FBXO16: variants seen among roughly 807,000 people sequenced by gnomAD.
The protein encoded by FBXO16 is F-box protein 16, also known as F-box only protein 16.
FBXO16 carries 31 observed loss-of-function variants against 41.0 expected under a neutral mutation model. The ratio of observed to expected loss-of-function variants is 0.76; its 90% confidence interval spans 0.57 to 1.02. The LOEUF (loss-of-function observed/expected upper bound fraction) is 1.02, where lower values mean the gene tolerates loss of function less well. Ranked by LOEUF, FBXO16 falls within the 50% of genes least tolerant of loss-of-function variation. The pLI is 0.00. For missense variants in FBXO16, 361 were observed against 346.2 expected (o/e 1.04, Z -0.34); for synonymous variants, 133 against 117.8 (o/e 1.13, Z -0.84).
At chr8:28,465,894 TC>T (rs143126295) in intron 3 of FBXO16, among the ~76,000 whole-genome samples, 4,975 of 152,254 alleles carry the variant, frequency 0.033, 253 homozygotes, top group African/African-American at 0.11. Flanking sequence ...TGAGAGTGCC[TC>T]CATTCTGGGT....
chr8:28,431,038 C>T (rs2163528), intron 7 of FBXO16, among the ~76,000 whole-genome samples: 150,819 of 152,352 alleles, frequency 0.99, 74,666 homozygotes, highest in East Asian at 1. Flanking sequence ...CTCTCTATGA[C>T]ACAAGAATGG....
At chr8:28,482,157 A>G (rs55780268) in intron 2 of FBXO16, among the ~76,000 whole-genome samples, 20,849 of 152,148 alleles carry the variant, frequency 0.14, 2,564 homozygotes, top group African/African-American at 0.33. Context: ...TTATTGTGAA[A>G]CAGCAGAGTC....
chr8:28,430,189 C>T, intron 7 of FBXO16, among the ~76,000 whole-genome samples: 1 of 152,176 alleles, frequency 6.6e-6, no homozygotes, highest in Non-Finnish European at 1.5e-5. Context: ...CCTCCCACCT[C>T]AGCCTCCCGA....
At chr8:28,484,654 C>T (rs7001208) in intron 1 of FBXO16, among the ~76,000 whole-genome samples, 17,504 of 152,214 alleles carry the variant, frequency 0.11, 1,823 homozygotes, top group African/African-American at 0.28. Context: ...GGCAGTAGTA[C>T]GATCTCGGCT....
intron 3 of FBXO16, among the ~76,000 whole-genome samples, chr8:28,467,231 A>T (rs1803258946): frequency 6.6e-6 from 1 of 152,210 alleles, no homozygotes. Context: ...AAAATCAAAG[A>T]TAACTCAAAA....
At chr8:28,441,782 A>G (rs1802781296) in intron 7 of FBXO16, among the ~76,000 whole-genome samples, 1 of 150,316 alleles carries the variant, frequency 6.7e-6, no homozygotes, top group African/African-American at 2.4e-5. Flanking sequence ...GTCTTTACAC[A>G]AGGTTGAAAA....
rs1238033493 is a variant in FBXO16 at position 28,452,418 on chromosome 8, G to A, written c.566C>T (p.Pro189Leu). 12 of 1,614,072 alleles carry A rather than the reference G, an allele frequency of 7.4e-6. No homozygotes were observed. In the Admixed American group the frequency reaches 1.8e-4, roughly 25 times the overall value. Residue 189 changes from proline to leucine, a missense_variant, in exon 6 of 9, where the codon CCA (proline) becomes CTA (leucine). Transcript: ENST00000380254. ...ADVQLVTSNS[P>L]EEKQSPLSAF... ...TGATAAAGGGGACTGTTTTTCCTCT[G>A]GAGAATTGCTTGTAACTAGTTGAAC...
At chr8:28,460,888 C>A (rs1368226982) in intron 4 of FBXO16, among the ~76,000 whole-genome samples, 1 of 152,092 alleles carries the variant, frequency 6.6e-6, no homozygotes, top group African/African-American at 2.4e-5. Context: ...GCACGTGCCA[C>A]CACACCTGGC....
At chr8:28,451,665 T>G (rs975898653) in intron 6 of FBXO16, among the ~76,000 whole-genome samples, 5 of 151,946 alleles carry the variant, frequency 3.3e-5, no homozygotes, top group African/African-American at 1.2e-4. Flanking sequence ...AACCCTTTGG[T>G]GCTGGACTGC....
In FBXO16 at chr8:28,451,436, G is replaced by A. The variant is rs367775222; in HGVS notation, c.740+808C>T. Among the ~76,000 whole-genome samples the A allele has an allele frequency of 5.2e-4, 78 of 150,470 alleles. 2 individuals are homozygous for A. In the South Asian group the frequency reaches 0.016, roughly 30 times the overall value. On this transcript the variant is annotated intron_variant, in intron 6 of 8. Transcript: ENST00000380254. ...GATAGGGTCTAGCTATATTGCACAG[G>A]CTGGTCTCAAACTTCTGGGCTCAAG...
At chr8:28,460,225 G>GTGTATATA (rs1554526791) in intron 4 of FBXO16, among the ~76,000 whole-genome samples, 15 of 75,222 alleles carry the variant, frequency 2.0e-4, no homozygotes, top group African/African-American at 1.1e-3. Context: ...ATATGTGTGT[G>GTGTATATA]TATATATATA....
intron 7 of FBXO16, among the ~76,000 whole-genome samples, chr8:28,432,258 G>C (rs1042017911): frequency 1.3e-5 from 2 of 151,756 alleles, no homozygotes; most frequent in African/African-American, 4.8e-5. Context: ...CGGATCACCT[G>C]AGGTCAGGAG....
intron 3 of FBXO16, among the ~76,000 whole-genome samples, chr8:28,464,283 G>A (rs970590969): frequency 3.3e-4 from 50 of 152,294 alleles, no homozygotes; most frequent in African/African-American, 1.1e-3. Flanking sequence ...GTATATTGGC[G>A]TAAATTCTCA....
intron 2 of FBXO16, among the ~76,000 whole-genome samples, chr8:28,475,982 A>G (rs763692112): frequency 1.3e-5 from 2 of 152,208 alleles, no homozygotes; most frequent in African/African-American, 2.4e-5. Context: ...TCAACACTGC[A>G]CTTGATTCCT....
intron 6 of FBXO16, among the ~76,000 whole-genome samples, chr8:28,450,837 G>A (rs991739408): frequency 6.6e-6 from 1 of 152,164 alleles, no homozygotes; most frequent in Non-Finnish European, 1.5e-5. Context: ...AGCACTTTCG[G>A]AGGGCGAAGT....
chr8:28,455,946 A>G (rs1803031866), intron 5 of FBXO16: 1 of 152,192 alleles, frequency 6.6e-6, no homozygotes, highest in South Asian at 2.1e-4. Flanking sequence ...GGATTCTCCA[A>G]TTTTAACAGG....
intron 4 of FBXO16, among the ~76,000 whole-genome samples, chr8:28,462,782 T>C (rs1803158857): frequency 6.6e-6 from 1 of 152,190 alleles, no homozygotes; most frequent in Non-Finnish European, 1.5e-5. Context: ...AATCATCTCC[T>C]TTTCCAAGGC....
At chr8:28,461,806 T>C (rs1025131613) in intron 4 of FBXO16, among the ~76,000 whole-genome samples, 13 of 152,234 alleles carry the variant, frequency 8.5e-5, no homozygotes, top group Non-Finnish European at 1.9e-4. Context: ...CTGGGTATCA[T>C]GGAATACTCA....
intron 6 of FBXO16, among the ~76,000 whole-genome samples, chr8:28,449,834 T>G (rs192723422): frequency 6.6e-6 from 1 of 151,248 alleles, no homozygotes; most frequent in Admixed American, 6.6e-5. Flanking sequence ...TAGCTGGGCG[T>G]GGTGGTGCGT....
Sources: gnomAD v4.1 joint callset for allele counts (sites outside exome capture counted in the v4.1 genomes callset) on GRCh38, gnomAD v4.1.1 for gene constraint, MANE v1.5 for transcripts, NCBI Gene and HGNC (gene_info 2026-07-23, HGNC 2026-07-21) for gene names.